The following NLRC5 variants were observed in gnomAD, a reference collection of about 807,000 sequenced individuals.
The protein encoded by NLRC5 is protein NLRC5.
NLRC5 carries 114 observed loss-of-function variants against 206.9 expected under a neutral mutation model. That is an observed-to-expected ratio of 0.55 (90% CI 0.47 to 0.64). The LOEUF (loss-of-function observed/expected upper bound fraction) is 0.64, where lower values mean the gene tolerates loss of function less well. Ranked by LOEUF, NLRC5 falls within the 30% of genes least tolerant of loss-of-function variation. NLRC5 has a pLI of 0.00. For missense variants in NLRC5, 2,008 were observed against 2,305.5 expected (o/e 0.87, Z 2.64); for synonymous variants, 952 against 962.8 (o/e 0.99, Z 0.21).
At chr16:57,050,103 C>T (rs1205322687) in intron 23 of NLRC5, among the ~76,000 whole-genome samples, 16 of 94,490 alleles carry the variant, frequency 1.7e-4, no homozygotes, top group Non-Finnish European at 2.3e-4. Flanking sequence ...GATTCCATTG[C>T]TTTAAAAAAA....
chr16:57,062,049 A>T, intron 32 of NLRC5: 1 of 1,349,728 alleles, frequency 7.4e-7, no homozygotes. Context: ...CAGAAAAAGA[A>T]GATACCGAAG....
intron 30 of NLRC5, among the ~76,000 whole-genome samples, chr16:57,061,022 T>C (rs1192227479): frequency 1.3e-5 from 2 of 152,234 alleles, no homozygotes; most frequent in African/African-American, 2.4e-5. Flanking sequence ...GGTTAAGAGC[T>C]TGGGGTCTGC....
intron 38 of NLRC5, 151 bp from the exon 39 acceptor site, chr16:57,074,449 T>A (rs2145004618): frequency 2.9e-6 from 2 of 699,748 alleles, no homozygotes; most frequent in African/African-American, 1.8e-5. Flanking sequence ...GACCTCCCAG[T>A]ACAGTTCATT....
chr16:57,062,728 T>C (rs1456727139), intron 32 of NLRC5: 1 of 152,424 alleles, frequency 6.6e-6, no homozygotes, highest in Non-Finnish European at 1.5e-5. Flanking sequence ...GAACTGACTG[T>C]TCCCCAAAAT....
At chr16:57,042,144 G>C in intron 19 of NLRC5, 79 bp downstream of exon 19, 1 of 929,072 alleles carries the variant, frequency 1.1e-6, no homozygotes, top group Non-Finnish European at 1.5e-6. Flanking sequence ...TCTTTCCTGG[G>C]GTTATTGTAA....
rs1316850112 is a variant in NLRC5 at position 57,014,635 on chromosome 16, C to T, written c.-127-2439C>T. 4.6e-5 allele frequency among the ~76,000 whole-genome samples: 7 copies of T among 152,336 alleles called. No individual in the cohort carries two copies. In the East Asian group the frequency reaches 1.3e-3, roughly 29 times the overall value. On this transcript the variant is annotated intron_variant, in intron 1 of 48. Coordinates refer to ENST00000688547, the MANE Select transcript of NLRC5 (RefSeq NM_001384950.1). Reference sequence around the variant, plus strand: ...TACATAAAGTGCTGTTGTTTTTTATCTGCCTGTTAACTTAGAGTGGGTTTT... The same window carrying T: ...TACATAAAGTGCTGTTGTTTTTTATTTGCCTGTTAACTTAGAGTGGGTTTT...
At chr16:57,049,354 G>C (rs2064495971) in intron 23 of NLRC5, among the ~76,000 whole-genome samples, 1 of 152,204 alleles carries the variant, frequency 6.6e-6, no homozygotes, top group Non-Finnish European at 1.5e-5. Flanking sequence ...TGTATACCAT[G>C]CACTGGGCCA....
In NLRC5 at chr16:57,079,267, G is replaced by T; in HGVS notation, c.5212G>T (p.Glu1738Ter). The T allele has an allele frequency of 6.2e-7, 1 of 1,613,528 alleles. No homozygotes were observed. The highest frequency in any genetic ancestry group is 8.5e-7 in the Non-Finnish European group (1 of 1,180,020). Reference protein sequence around the residue: ...LAGGVLRFCMELPLLRQIDLV... With the variant: ...LAGGVLRFCM ...TGGAGGGGTCCTGCGTTTCTGTATG[G>T]AGCTCCCGCTGCTCAGACAGATAGA... Residue 1738 changes from glutamate (E) to a stop codon, truncating the protein, a stop_gained, in exon 45 of 49, where the codon GAG (glutamate) becomes TAG (stop). Transcript: ENST00000688547. LOFTEE classifies it high-confidence loss of function.
At chr16:57,068,886 C>T (rs1280444670) in intron 36 of NLRC5, among the ~76,000 whole-genome samples, 1 of 152,230 alleles carries the variant, frequency 6.6e-6, no homozygotes, top group Non-Finnish European at 1.5e-5. Flanking sequence ...CATTTACAGG[C>T]CAGTTATTTT....
At chr16:57,003,472 C>T (rs1435945765) in intron 1 of NLRC5, among the ~76,000 whole-genome samples, 1 of 152,172 alleles carries the variant, frequency 6.6e-6, no homozygotes, top group Admixed American at 6.5e-5. Flanking sequence ...AGAGCTCCCC[C>T]AACCCCATCT....
At chr16:57,037,955 T>G (rs1343604532) in intron 15 of NLRC5, among the ~76,000 whole-genome samples, 2 of 152,212 alleles carry the variant, frequency 1.3e-5, no homozygotes, top group African/African-American at 4.8e-5. Context: ...TTAGGGGACC[T>G]TGGTTCACTG....
In NLRC5 at chr16:57,013,210, G is replaced by A. The variant is rs115005685; in HGVS notation, c.-127-3864G>A. Reference sequence around the variant, plus strand: ...GACTTCTAACTTCATTAAAGGTTGCGAACAGTATCAAATCCTTGGTAAAGC... The same window carrying A: ...GACTTCTAACTTCATTAAAGGTTGCAAACAGTATCAAATCCTTGGTAAAGC... On this transcript the variant is annotated intron_variant, in intron 1 of 48. Coordinates refer to ENST00000688547, the MANE Select transcript of NLRC5 (RefSeq NM_001384950.1). 5.3e-3 allele frequency: 2,464 copies of A among 460,898 alleles called. 55 individuals are homozygous for A. The highest frequency in any genetic ancestry group is 0.04 in the African/African-American group (1,956 of 48,894). 28.6% of individuals were successfully genotyped at this position (460,898 alleles called of 1,614,324 possible).
At chr16:57,031,115 AG>A (rs1597256690) in intron 10 of NLRC5, among the ~76,000 whole-genome samples, 1 of 150,326 alleles carries the variant, frequency 6.7e-6, no homozygotes, top group South Asian at 2.1e-4. Flanking sequence ...TTAAAAAGAA[AG>A]GAAAAAAAAA....
At chr16:57,067,526 C>T in intron 35 of NLRC5, 56 bp downstream of exon 35, 2 of 1,521,722 alleles carry the variant, frequency 1.3e-6, no homozygotes, top group Admixed American at 3.4e-5. Context: ...ACCCTGGTAC[C>T]TACTCCAGGC....
chr16:57,043,348 C>T (rs1268057942), intron 19 of NLRC5, among the ~76,000 whole-genome samples, 167 bp from the exon 20 acceptor site: 1 of 152,160 alleles, frequency 6.6e-6, no homozygotes, highest in Non-Finnish European at 1.5e-5. Context: ...ACTCTGTTTC[C>T]CCATCTCCAC....
chr16:57,078,066 G>T (rs530974555), intron 43 of NLRC5, 46 bp downstream of exon 43: 5 of 1,485,400 alleles, frequency 3.4e-6, no homozygotes, highest in African/African-American at 3.1e-5. Flanking sequence ...TGGGGAGGAG[G>T]GTCCTCGGGA....
At chr16:57,009,998 G>A (rs1264301366) in intron 1 of NLRC5, among the ~76,000 whole-genome samples, 1 of 152,132 alleles carries the variant, frequency 6.6e-6, no homozygotes, top group Non-Finnish European at 1.5e-5. Flanking sequence ...TCCAGGCTAG[G>A]CCATAGCAGT....
At chr16:57,034,130 T>C (rs754087142) in intron 12 of NLRC5, 38 bp from the exon 13 acceptor site, 10 of 1,578,106 alleles carry the variant, frequency 6.3e-6, no homozygotes, top group African/African-American at 1.3e-5. Context: ...GTAGGGGCTG[T>C]TTGCCCTGAG....
Position 57,077,398 on chromosome 16 carries a change from A to G in NLRC5, c.4919+19A>G, listed in dbSNP as rs1232711776. On this transcript the variant is annotated intron_variant, in intron 41 of 48. Coordinates refer to ENST00000688547, the MANE Select transcript of NLRC5 (RefSeq NM_001384950.1). ...AGATAGAGTGAGTAGCCAGCCCTACAGAGGAGGGCCACAGGGGTCACACGA... is the reference window on the plus strand; with the variant it reads ...AGATAGAGTGAGTAGCCAGCCCTACGGAGGAGGGCCACAGGGGTCACACGA... 5.0e-6 allele frequency: 8 copies of G among 1,605,524 alleles called. No individual in the cohort carries two copies. The African/African-American group carries it at 9.4e-5, about 19-fold the overall frequency.
Sources: gnomAD v4.1 joint callset for allele counts (sites outside exome capture counted in the v4.1 genomes callset) on GRCh38, gnomAD v4.1.1 for gene constraint, MANE v1.5 for transcripts, NCBI Gene and HGNC (gene_info 2026-07-23, HGNC 2026-07-21) for gene names.